REEP5: variants seen among roughly 807,000 people sequenced by gnomAD.
The protein encoded by REEP5 is receptor accessory protein 5.
In REEP5, 24 loss-of-function variants were observed where a neutral mutation model predicts 22.4. That is an observed-to-expected ratio of 1.07 (90% confidence interval 0.78 to 1.51). The LOEUF (loss-of-function observed/expected upper bound fraction) is 1.51. REEP5 is among the 40% of genes most tolerant of loss of function. The pLI, the probability that REEP5 is intolerant of heterozygous loss-of-function variation, is 0.00. For missense variants in REEP5, 252 were observed against 233.0 expected, an observed-to-expected ratio of 1.08 and a Z score of -0.53; for synonymous variants, 103 against 88.6, an observed-to-expected ratio of 1.16 and a Z score of -0.92.
chr5:112,905,368 C>G (rs879466808), intron 2 of REEP5, among the ~76,000 whole-genome samples: 8 of 151,924 alleles, frequency 5.3e-5, no homozygotes, highest in Non-Finnish European at 1.0e-4. Context: ...TGGTGAAACC[C>G]CACCTCTACT....
chr5:112,909,832 C>T (rs1489402946), intron 2 of REEP5, among the ~76,000 whole-genome samples: 1 of 152,158 alleles, frequency 6.6e-6, no homozygotes, highest in Non-Finnish European at 1.5e-5. Flanking sequence ...ATAGCATTAA[C>T]ATGTGAAGAA....
intron 2 of REEP5, among the ~76,000 whole-genome samples, chr5:112,909,485 T>A (rs774618668): frequency 6.6e-6 from 1 of 151,974 alleles, no homozygotes; most frequent in Non-Finnish European, 1.5e-5. Context: ...GAGTTACCCA[T>A]CAATTTTAAT....
chr5:112,920,975 C>G (rs1429898163), intron 2 of REEP5, among the ~76,000 whole-genome samples, 188 bp downstream of exon 2: 1 of 152,168 alleles, frequency 6.6e-6, no homozygotes, highest in East Asian at 1.9e-4. Context: ...GGCTAATCGT[C>G]AAGAGATAGG....
At chr5:112,890,637 T>C (rs1768409918) in intron 3 of REEP5, among the ~76,000 whole-genome samples, 1 of 150,096 alleles carries the variant, frequency 6.7e-6, no homozygotes, top group Non-Finnish European at 1.5e-5. Context: ...CTCAGCCTCC[T>C]AAAGTGCTGG....
intron 3 of REEP5, among the ~76,000 whole-genome samples, chr5:112,899,623 A>G (rs1012406312): frequency 2.0e-5 from 3 of 152,218 alleles, no homozygotes; most frequent in African/African-American, 7.2e-5. Context: ...ACAGTTGACA[A>G]CAAAAAATGC....
chr5:112,888,083 C>G (rs1400386004), intron 3 of REEP5, among the ~76,000 whole-genome samples: 1 of 152,206 alleles, frequency 6.6e-6, no homozygotes, highest in African/African-American at 2.4e-5. Context: ...TACAAAAAAA[C>G]AGAAGTCACT....
At chr5:112,884,027 C>G (rs886765751) in intron 4 of REEP5, among the ~76,000 whole-genome samples, 6 of 152,214 alleles carry the variant, frequency 3.9e-5, no homozygotes, top group Non-Finnish European at 4.4e-5. Flanking sequence ...ATCATCACCT[C>G]CAGCCAGATC....
At chr5:112,891,700 C>T in intron 3 of REEP5, 1 of 1,613,986 alleles carries the variant, frequency 6.2e-7, no homozygotes, top group Non-Finnish European at 8.5e-7. Flanking sequence ...GAAACCAAGC[C>T]ACAAAAAGTA....
Position 112,915,212 on chromosome 5 carries a change from GA to G in REEP5, c.212+5950del, listed in dbSNP as rs879730306. On this transcript the variant is annotated intron_variant, in intron 2 of 4. Transcript: ENST00000379638. ...TAAATCTCCAGGGCCTTCATAAAGA[GA>G]AAAAAAAAAGCTCATAAGGAACATT... Among the ~76,000 whole-genome samples, 54 of 144,950 alleles carry G rather than the reference GA, an allele frequency of 3.7e-4. 1 individual carries two copies. Among genetic ancestry groups the G allele is most frequent in the South Asian group, 3.7e-3 (17 of 4,594 alleles).
In REEP5 at chr5:112,900,376, T is replaced by C. The variant is rs190753251; in HGVS notation, c.351+2004A>G. ...ATCAAATCTTTTTCTTTGAAACTTT[T>C]GTATTTTGTCTTGCTTCTATACCTC... On this transcript the variant is annotated intron_variant, in intron 3 of 4. Coordinates refer to ENST00000379638, the MANE Select transcript of REEP5 (RefSeq NM_005669.5). Among the ~76,000 whole-genome samples the C allele has an allele frequency of 2.0e-4, 31 of 152,344 alleles. 1 individual carries two copies. In the East Asian group the frequency reaches 5.6e-3, roughly 27 times the overall value.
Position 112,908,088 on chromosome 5 carries a change from TTC to T in REEP5, c.213-5572_213-5571del, listed in dbSNP as rs1324870278. ...TGGAAAAGAATGAGCATCAGAGACT[TTC>T]TTTGTTTTTTGTTTTTTTTTTTTTT... On this transcript the variant is annotated intron_variant, in intron 2 of 4. Coordinates refer to ENST00000379638, the MANE Select transcript of REEP5 (RefSeq NM_005669.5). Among the ~76,000 whole-genome samples, 461 of 76,474 alleles carry T rather than the reference TTC, an allele frequency of 6.0e-3. 4 individuals carry two copies. Among genetic ancestry groups the T allele is most frequent in the African/African-American group, 0.029 (438 of 15,178 alleles). The allele number at this position is 76,474 out of a possible 152,430, so 50.2% of individuals were successfully genotyped here.
chr5:112,900,401 C>T (rs1670367527), intron 3 of REEP5, among the ~76,000 whole-genome samples: 1 of 152,112 alleles, frequency 6.6e-6, no homozygotes, highest in Non-Finnish European at 1.5e-5. Flanking sequence ...TTCTATACCT[C>T]AAAGTTAAAA....
chr5:112,891,771 A>G, intron 3 of REEP5: 1 of 1,613,904 alleles, frequency 6.2e-7, no homozygotes, highest in Non-Finnish European at 8.5e-7. Context: ...CTCGACTGAG[A>G]GACTCAGGAC....
chr5:112,892,622 G>T, intron 3 of REEP5: 1 of 1,614,090 alleles, frequency 6.2e-7, no homozygotes, highest in South Asian at 1.1e-5. Flanking sequence ...TGTCCAAGAG[G>T]AAAACACTGC....
rs1769232573 is a variant in REEP5 at position 112,916,352 on chromosome 5, A to C, written c.212+4811T>G. Among the ~76,000 whole-genome samples the C allele has an allele frequency of 2.6e-5, 4 of 152,180 alleles. No individual in the cohort carries two copies. The South Asian group carries it at 8.3e-4, about 32-fold the overall frequency. On this transcript the variant is annotated intron_variant, in intron 2 of 4. Coordinates refer to ENST00000379638, the MANE Select transcript of REEP5 (RefSeq NM_005669.5). ...TTCCCTTGAGATACTTGTCTCTTGAAACAGAACTAAAGGCAACGCTGCATC... is the reference window on the plus strand; with the variant it reads ...TTCCCTTGAGATACTTGTCTCTTGACACAGAACTAAAGGCAACGCTGCATC...
In REEP5 at chr5:112,902,397, A is replaced by G; in HGVS notation, c.334T>C (p.Phe112Leu). 1.9e-6 allele frequency: 3 copies of G among 1,612,604 alleles called. No individual in the cohort carries two copies. Among genetic ancestry groups the G allele is most frequent in the Non-Finnish European group, 2.5e-6 (3 of 1,179,482 alleles). The change falls in exon 3 of 5, where the codon TTC becomes CTC. Residue 112 changes from phenylalanine (F) to leucine (L), a missense_variant. Phe to Leu is a conservative substitution (Grantham distance 22). Coordinates refer to ENST00000379638, the MANE Select transcript of REEP5 (RefSeq NM_005669.5). ...FSDIFLSWFPFYYMLKCGFLL... is the reference protein window; with the variant it reads ...FSDIFLSWFPLYYMLKCGFLL... ...CAACATACCTTCAGCATGTAGTAGA[A>G]GGGGAACCATGACAGGAAGATATCA...
At chr5:112,891,159 G>GA in intron 3 of REEP5, among the ~76,000 whole-genome samples, 1 of 141,998 alleles carries the variant, frequency 7.0e-6, no homozygotes, top group African/African-American at 2.9e-5. Context: ...TGCAACCTCT[G>GA]CCTCCTGGGT....
At chr5:112,886,351 G>C (rs916524455) in intron 4 of REEP5, among the ~76,000 whole-genome samples, 1 of 152,224 alleles carries the variant, frequency 6.6e-6, no homozygotes, top group African/African-American at 2.4e-5. Context: ...AAGAGTGGTA[G>C]TTTGCCCTAA....
Position 112,878,745 on chromosome 5 carries a change from G to T in REEP5, c.*41C>A, listed in dbSNP as rs780459726. ...CCTAATATAACATCAAGCTCCAGTA[G>T]GAAGGTACAGAGAGGGCAGGAAGTT... is the stretch of plus-strand genomic sequence containing the variant. On this transcript the variant is annotated 3_prime_UTR_variant, in exon 5 of 5. Transcript: ENST00000379638. 6.8e-6 allele frequency: 11 copies of T among 1,611,890 alleles called. 1 individual carries two copies. The South Asian group carries it at 1.2e-4, about 18-fold the overall frequency.
Sources: allele counts gnomAD v4.1 joint callset (sites outside exome capture counted in the v4.1 genomes callset), GRCh38; gene constraint gnomAD v4.1.1; transcripts MANE v1.5; gene names NCBI Gene and HGNC (gene_info 2026-07-23, HGNC 2026-07-21).